Variants in AFG1L observed in about 807,000 individuals in gnomAD.
AFG1L encodes the protein AFG1 like ATPase, also known as AFG1-like ATPase.
In AFG1L, 53 loss-of-function variants were observed where a neutral mutation model predicts 62.2. The ratio of observed to expected loss-of-function variants is 0.85; its 90% CI spans 0.68 to 1.07. The LOEUF (loss-of-function observed/expected upper bound fraction) is 1.07. Among genes scored for constraint, AFG1L ranks in the 50% least tolerant of loss-of-function variants. AFG1L has a pLI of 0.00. For synonymous variants in AFG1L, 228 were observed against 210.3 expected (o/e 1.08, Z -0.73); for missense variants, 555 against 590.5 (o/e 0.94, Z 0.62).
intron 7 of AFG1L, among the ~76,000 whole-genome samples, chr6:108,441,712 A>ATATATAT (rs1554198359): frequency 8.6e-5 from 12 of 139,496 alleles, no homozygotes; most frequent in African/African-American, 2.8e-4. Flanking sequence ...AAAAAAAAAA[A>ATATATAT]ATATATATAT....
intron 10 of AFG1L, among the ~76,000 whole-genome samples, chr6:108,505,598 G>A (rs984215184): frequency 6.6e-6 from 1 of 151,994 alleles, no homozygotes; most frequent in African/African-American, 2.4e-5. Flanking sequence ...AAAAAAAGTG[G>A]GCTTGGAACT....
intron 1 of AFG1L, among the ~76,000 whole-genome samples, chr6:108,298,455 G>A (rs112628439): frequency 0.053 from 8,079 of 152,010 alleles, 696 homozygotes; most frequent in African/African-American, 0.18. Context: ...TAGTAGAGAG[G>A]GGGTTTCAAC....
chr6:108,525,286 A>G lies in AFG1L; in HGVS notation c.*2861A>G, dbSNP rs1396316668. The stretch of plus-strand genomic sequence containing the variant: ...CTTCTCATATTTCTTTAGGCAGTGT[A>G]TGAGCTTATTTGCTGATATCACTAA... On this transcript the variant is annotated 3_prime_UTR_variant, in exon 13 of 13. Transcript: ENST00000368977. 1.3e-5 allele frequency: 2 copies of G among 152,362 alleles called. No individual in the cohort carries two copies. The highest frequency in any genetic ancestry group is 4.1e-4 in the South Asian group (2 of 4,832). 9.4% of individuals were successfully genotyped at this position (152,362 alleles called of 1,614,324 possible).
intron 8 of AFG1L, among the ~76,000 whole-genome samples, chr6:108,453,990 G>A (rs1562171642): frequency 6.6e-6 from 1 of 152,102 alleles, no homozygotes; most frequent in Non-Finnish European, 1.5e-5. Flanking sequence ...TTCCTTTTAG[G>A]CCGTCATTTG....
intron 10 of AFG1L, among the ~76,000 whole-genome samples, chr6:108,478,580 A>G (rs1353824135): frequency 1.3e-5 from 2 of 152,230 alleles, no homozygotes; most frequent in Non-Finnish European, 2.9e-5. Flanking sequence ...ATCAATCTTT[A>G]AGGTCCTGAT....
In AFG1L at chr6:108,524,556, C is replaced by T. The variant is rs966011503; in HGVS notation, c.*2131C>T. On this transcript the variant is annotated 3_prime_UTR_variant, in exon 13 of 13. Transcript: ENST00000368977. Reference sequence around the variant, plus strand: ...GCTTCCCTATAATGTCATTTTGGTACGAAAGAACTTAAACCCTGAGAAAAA... The same window carrying T: ...GCTTCCCTATAATGTCATTTTGGTATGAAAGAACTTAAACCCTGAGAAAAA... 3.3e-5 allele frequency: 5 copies of T among 152,164 alleles called. No homozygotes were observed. The highest frequency in any genetic ancestry group is 9.7e-5 in the African/African-American group (4 of 41,420). The allele number at this position is 152,164 out of a possible 1,614,324, so 9.4% of individuals were successfully genotyped here.
At chr6:108,513,610 G>A (rs888523488) in intron 11 of AFG1L, among the ~76,000 whole-genome samples, 6 of 152,228 alleles carry the variant, frequency 3.9e-5, no homozygotes, top group Non-Finnish European at 7.3e-5. Flanking sequence ...AAACAAAGCG[G>A]CTGGGAAGCT....
At chr6:108,386,791 C>T (rs1352750892) in intron 6 of AFG1L, among the ~76,000 whole-genome samples, 3 of 152,052 alleles carry the variant, frequency 2.0e-5, no homozygotes, top group Non-Finnish European at 2.9e-5. Flanking sequence ...TGGTTCTATA[C>T]GAATGCAGTG....
chr6:108,378,834 T>C (rs921172308), intron 6 of AFG1L, among the ~76,000 whole-genome samples: 4 of 151,786 alleles, frequency 2.6e-5, no homozygotes, highest in Admixed American at 6.6e-5. Context: ...TTCTTTTTTT[T>C]CCCTGTAATG....
At chr6:108,496,022 T>A (rs1052509216) in intron 10 of AFG1L, among the ~76,000 whole-genome samples, 2 of 152,228 alleles carry the variant, frequency 1.3e-5, no homozygotes, top group Non-Finnish European at 2.9e-5. Flanking sequence ...TGCTACTAAC[T>A]GAAGTGCCAT....
intron 2 of AFG1L, among the ~76,000 whole-genome samples, chr6:108,342,634 A>G (rs1778722474): frequency 6.6e-6 from 1 of 152,136 alleles, no homozygotes; most frequent in African/African-American, 2.4e-5. Flanking sequence ...CCCTTAAGAC[A>G]TAGATTTTTA....
At chr6:108,412,207 T>C (rs1782149582) in intron 7 of AFG1L, among the ~76,000 whole-genome samples, 1 of 151,756 alleles carries the variant, frequency 6.6e-6, no homozygotes, top group East Asian at 1.9e-4. Context: ...AGAAGAGAAG[T>C]TTAGAGAAAA....
intron 1 of AFG1L, among the ~76,000 whole-genome samples, chr6:108,297,714 G>T (rs113540827): frequency 0.053 from 8,036 of 151,812 alleles, 690 homozygotes; most frequent in African/African-American, 0.18. Flanking sequence ...ACTTAGCCGG[G>T]TGTGGTGGTG....
At chr6:108,499,973 C>T (rs1774123570) in intron 10 of AFG1L, among the ~76,000 whole-genome samples, 1 of 151,804 alleles carries the variant, frequency 6.6e-6, no homozygotes, top group Non-Finnish European at 1.5e-5. Flanking sequence ...CTTTTGGGGT[C>T]CCTAGTGTCT....
At chr6:108,329,825 C>A (rs1360842760) in intron 2 of AFG1L, among the ~76,000 whole-genome samples, 1 of 151,926 alleles carries the variant, frequency 6.6e-6, no homozygotes, top group East Asian at 1.9e-4. Flanking sequence ...TGCTATGGTT[C>A]GAATATTTGT....
chr6:108,475,657 C>G (rs1773077102), intron 8 of AFG1L, among the ~76,000 whole-genome samples: 2 of 152,138 alleles, frequency 1.3e-5, no homozygotes, highest in African/African-American at 2.4e-5. Context: ...GCAAAGTTGA[C>G]CATTGCAAAT....
chr6:108,475,497 T>C (rs927075881), intron 8 of AFG1L, among the ~76,000 whole-genome samples: 3 of 152,202 alleles, frequency 2.0e-5, no homozygotes, highest in South Asian at 2.1e-4. Flanking sequence ...GGCATGACCA[T>C]TGACATTTAC....
intron 8 of AFG1L, among the ~76,000 whole-genome samples, chr6:108,465,463 A>G (rs539765800): frequency 1.3e-3 from 204 of 152,322 alleles, no homozygotes; most frequent in Non-Finnish European, 1.2e-4. Context: ...TTTTTCATAT[A>G]GGCTTGTTGC....
At position 108,524,347 on chromosome 6, in the gene AFG1L, C is replaced by A. The variant is rs1050247134; in HGVS notation, c.*1922C>A. The A allele has an allele frequency of 6.6e-6, 1 of 152,124 alleles. No individual in the cohort carries two copies. The highest frequency in any genetic ancestry group is 2.1e-4 in the South Asian group (1 of 4,818). 9.4% of individuals were successfully genotyped at this position (152,124 alleles called of 1,614,324 possible). ...ACAGACAGATAGATGGACAGTATGACCGATAGACAGACCTGTCCCTGAGTG... is the reference window on the plus strand; with the variant it reads ...ACAGACAGATAGATGGACAGTATGAACGATAGACAGACCTGTCCCTGAGTG... On this transcript the variant is annotated 3_prime_UTR_variant, in exon 13 of 13. Coordinates refer to ENST00000368977, the MANE Select transcript of AFG1L (RefSeq NM_145315.5).
Sources: allele counts gnomAD v4.1 joint callset (sites outside exome capture counted in the v4.1 genomes callset), GRCh38; gene constraint gnomAD v4.1.1; transcripts MANE v1.5; gene names NCBI Gene and HGNC (gene_info 2026-07-23, HGNC 2026-07-21).